The following PHIP variants were observed in gnomAD, a reference collection of about 807,000 sequenced individuals.
PHIP encodes the protein PH-interacting protein.
A neutral mutation model predicts 236.8 loss-of-function variants in PHIP; 54 were observed. The ratio of observed to expected loss-of-function variants is 0.23; its 90% CI spans 0.18 to 0.29. PHIP has a LOEUF of 0.29. Among genes scored for constraint, PHIP ranks in the 10% least tolerant of loss-of-function variants. The pLI, the probability that PHIP is intolerant of heterozygous loss-of-function variation, is 1.00. For missense variants in PHIP, 1,370 were observed against 2,190.8 expected, an observed-to-expected ratio of 0.63 and a Z score of 7.48; for synonymous variants, 756 against 718.9, an observed-to-expected ratio of 1.05 and a Z score of -0.83.
intron 32 of PHIP, chr6:78,956,522 C>T (rs545533661): frequency 1.3e-5 from 2 of 152,230 alleles, no homozygotes; most frequent in African/African-American, 4.8e-5. Context: ...TGTTAATATA[C>T]TTTCAACAGC....
At chr6:79,011,968 T>C (rs932017430) in intron 15 of PHIP, among the ~76,000 whole-genome samples, 1 of 151,504 alleles carries the variant, frequency 6.6e-6, no homozygotes. Context: ...TATAATCTTA[T>C]ATTTAAAAAT....
Position 78,998,306 on chromosome 6 carries a change from G to A in PHIP, c.1965C>T (p.Asp655=). 1.9e-5 allele frequency: 31 copies of A among 1,612,314 alleles called. No homozygotes were observed. The highest frequency in any genetic ancestry group is 2.5e-5 in the Non-Finnish European group (29 of 1,178,478). ...SMIQRLQQEQ[D]LRRSGEAVIS... is the part of the protein sequence containing the mutation. ...TAACTGCTTCACCAGAACGTCTCAGGTCTTGCTCCTGTTGTAGTCTTTGAA... is the reference window on the plus strand; with the variant it reads ...TAACTGCTTCACCAGAACGTCTCAGATCTTGCTCCTGTTGTAGTCTTTGAA... The change falls in exon 18 of 40, where the codon GAC becomes GAT. Residue 655 remains aspartate (D), a synonymous_variant. Coordinates refer to ENST00000275034, the MANE Select transcript of PHIP (RefSeq NM_017934.7).
rs776659876 is a variant in PHIP, at chr6:78,945,467, G to A, written c.4661C>T (p.Ala1554Val). 4.3e-6 allele frequency: 7 copies of A among 1,609,504 alleles called. No individual in the cohort carries two copies. Among genetic ancestry groups the A allele is most frequent in the Non-Finnish European group, 6.0e-6 (7 of 1,176,044 alleles). The change falls in exon 39 of 40, where the codon GCT becomes GTT. Residue 1554 changes from alanine to valine, a missense_variant. This residue lies in a region of PHIP where 309 missense variants were observed against 328.3 expected (regional missense o/e 0.94). Coordinates refer to ENST00000275034, the MANE Select transcript of PHIP (RefSeq NM_017934.7). The stretch of plus-strand genomic sequence containing the variant: ...ACCAGGACTGGAAAGAGTATTCAAA[G>A]CTTTGGAATGTTTCACAGAATTCTC... ...ILENSVKHSKALNTLSSPGQS... is the reference protein window; with the variant it reads ...ILENSVKHSKVLNTLSSPGQS...
Position 78,961,732 on chromosome 6 carries a change from T to G in PHIP, c.3614A>C (p.Asp1205Ala), listed in dbSNP as rs775968623. The G allele has an allele frequency of 6.2e-7, 1 of 1,612,704 alleles. No homozygotes were observed. The highest frequency in any genetic ancestry group is 1.7e-5 in the Admixed American group (1 of 59,956). Reference protein sequence around the residue: ...MYCTVVAYPTDLSTIKQRLEN... With the variant: ...MYCTVVAYPTALSTIKQRLEN... ...CAGTCTTTGTTTAATTGTACTTAGA[T>G]CCGTTGGATATGCCACTACTGTGCA... Residue 1205 changes from aspartate (D) to alanine (A), a missense_variant, in exon 31 of 40, where the codon GAT becomes GCT. By Grantham distance (126) the Asp-to-Ala change is moderately radical. This residue lies in a region of PHIP where 238 missense variants were observed against 398.5 expected (regional missense o/e 0.60). Coordinates refer to ENST00000275034, the MANE Select transcript of PHIP (RefSeq NM_017934.7).
At chr6:79,004,281 A>G (rs1344696665) in intron 15 of PHIP, 2 of 395,660 alleles carry the variant, frequency 5.1e-6, no homozygotes, top group Non-Finnish European at 6.9e-6. Flanking sequence ...AAATGACACT[A>G]GATTTTATTA....
At chr6:78,947,967 G>A (rs1773920880) in intron 35 of PHIP, among the ~76,000 whole-genome samples, 192 bp from the exon 36 acceptor site, 1 of 150,498 alleles carries the variant, frequency 6.6e-6, no homozygotes. Flanking sequence ...CCCTTATACT[G>A]CAATCAACAA....
intron 15 of PHIP, among the ~76,000 whole-genome samples, chr6:79,007,644 ATGTC>A (rs1216545467): frequency 7.2e-6 from 1 of 139,022 alleles, no homozygotes; most frequent in Non-Finnish European, 1.6e-5. Flanking sequence ...CAGGGTCAGT[ATGTC>A]TTGTTCTTTT....
chr6:79,035,190 A>AC (rs1771869096), intron 7 of PHIP, among the ~76,000 whole-genome samples: 1 of 152,048 alleles, frequency 6.6e-6, no homozygotes, highest in South Asian at 2.1e-4. Flanking sequence ...CTCAGAATTC[A>AC]CCCCTACTGA....
rs1360918578 is a variant in PHIP at position 78,946,173 on chromosome 6, C to A, written c.4458G>T (p.Pro1486=). ...SAFSTPTRSI[P]PRHNAAQING... Reference sequence around the variant, plus strand: ...TTATCTGAGCAGCATTGTGTCTTGGCGGTATTGATCGTGTAGGTGTAGAGA... The same window carrying A: ...TTATCTGAGCAGCATTGTGTCTTGGAGGTATTGATCGTGTAGGTGTAGAGA... Residue 1486 remains proline (P), a synonymous_variant, in exon 38 of 40, where the codon CCG becomes CCT. Transcript: ENST00000275034. 10 of 1,613,656 alleles carry A rather than the reference C, an allele frequency of 6.2e-6. No individual in the cohort carries two copies. In the East Asian group the frequency reaches 2.2e-4, roughly 36 times the overall value.
At chr6:79,052,212 C>T (rs1772830035) in intron 6 of PHIP, among the ~76,000 whole-genome samples, 1 of 152,116 alleles carries the variant, frequency 6.6e-6, no homozygotes, top group South Asian at 2.1e-4. Flanking sequence ...GAAAACTTCT[C>T]TGAAAAACTG....
chr6:79,077,043 C>G (rs943683565), intron 4 of PHIP, among the ~76,000 whole-genome samples: 2 of 152,144 alleles, frequency 1.3e-5, no homozygotes, highest in Non-Finnish European at 2.9e-5. Flanking sequence ...GAAAGCCGAG[C>G]CGGCCGCGCG....
At chr6:78,978,778 TTAAAA>T (rs1768298939) in intron 23 of PHIP, 67 bp from the exon 24 acceptor site, 4 of 1,246,962 alleles carry the variant, frequency 3.2e-6, no homozygotes, top group African/African-American at 1.5e-5. Context: ...AATCTACTCT[TTAAAA>T]TAACTATAAA....
At chr6:79,019,956 T>C (rs1173071628) in intron 9 of PHIP, among the ~76,000 whole-genome samples, 3 of 152,168 alleles carry the variant, frequency 2.0e-5, no homozygotes, top group African/African-American at 7.2e-5. Context: ...TGATTATATT[T>C]GAAGCCCTAC....
chr6:79,030,905 A>G (rs1411163040), intron 7 of PHIP, among the ~76,000 whole-genome samples: 1 of 152,026 alleles, frequency 6.6e-6, no homozygotes, highest in East Asian at 1.9e-4. Flanking sequence ...GAGAGTAGTA[A>G]ATCACTTGTT....
At chr6:79,017,440 TCA>T (rs1268252100) in intron 11 of PHIP, 41 bp downstream of exon 11, 1 of 1,577,902 alleles carries the variant, frequency 6.3e-7, no homozygotes. Context: ...ACTCTTGGAC[TCA>T]CATAAATTAT....
At position 78,998,234 on chromosome 6, in the gene PHIP, A is replaced by G; in HGVS notation, c.2017+20T>C. The G allele has an allele frequency of 6.3e-7, 1 of 1,593,648 alleles. No individual in the cohort carries two copies. The highest frequency in any genetic ancestry group is 8.6e-7 in the Non-Finnish European group (1 of 1,162,424). On this transcript the variant is annotated intron_variant, in intron 18 of 39. Transcript: ENST00000275034. ...TTTCAAATTTTTAAATATTTCACTT[A>G]AAATAGAATACCTGCTTACCTCTAC...
At chr6:79,032,640 T>C (rs1434017679) in intron 7 of PHIP, among the ~76,000 whole-genome samples, 1 of 152,104 alleles carries the variant, frequency 6.6e-6, no homozygotes, top group South Asian at 2.1e-4. Context: ...TATCTTGCTA[T>C]TGCAGTTAAC....
chr6:78,971,810 G>A (rs1055721261), intron 24 of PHIP, among the ~76,000 whole-genome samples: 4 of 152,288 alleles, frequency 2.6e-5, no homozygotes, highest in East Asian at 1.9e-4. Flanking sequence ...CGAATACTGC[G>A]CTTTTCCAAT....
chr6:79,036,921 CAA>C (rs34875528), intron 7 of PHIP, among the ~76,000 whole-genome samples: 456 of 38,830 alleles, frequency 0.012, 1 homozygote, highest in African/African-American at 0.04. Context: ...GACTCCGTCT[CAA>C]AAAAAAAAAA....
Sources: gnomAD v4.1 joint callset for allele counts (sites outside exome capture counted in the v4.1 genomes callset) on GRCh38, gnomAD v4.1.1 for gene constraint, gnomAD v4.1.1 regional missense constraint, MANE v1.5 for transcripts, NCBI Gene and HGNC (gene_info 2026-07-23, HGNC 2026-07-21) for gene names.